PSMA6: variants seen among roughly 807,000 people sequenced by gnomAD.
PSMA6 encodes the protein proteasome 20S subunit alpha 6.
For synonymous variants in PSMA6, 88 were observed against 97.7 expected (o/e 0.90, Z 0.59); for missense variants, 170 against 294.8 (o/e 0.58, Z 3.10).
At position 35,317,145 on chromosome 14, in the gene PSMA6, G is replaced by A; in HGVS notation, c.684-104G>A. 3 of 781,882 alleles carry A rather than the reference G, an allele frequency of 3.8e-6. No homozygotes were observed. The South Asian group carries it at 4.5e-5, about 12-fold the overall frequency. The allele number at this position is 781,882 out of a possible 1,614,324, so 48.4% of individuals were successfully genotyped here. On this transcript the variant is annotated intron_variant, in intron 6 of 6. Coordinates refer to ENST00000261479, the MANE Select transcript of PSMA6 (RefSeq NM_002791.3). ...GGTTTATAAATTGATAATTGTTAAAGTAGGTTGATAGGTATATGGGAGTTT... is the reference window on the plus strand; with the variant it reads ...GGTTTATAAATTGATAATTGTTAAAATAGGTTGATAGGTATATGGGAGTTT...
At chr14:35,285,865 C>T (rs1379805584) in intron 1 of PSMA6, among the ~76,000 whole-genome samples, 1 of 152,216 alleles carries the variant, frequency 6.6e-6, no homozygotes, top group Non-Finnish European at 1.5e-5. Context: ...GTGTGTGACA[C>T]GATAGGTAAG....
rs1323665009 is a variant in PSMA6 at position 35,308,650 on chromosome 14, G to A, written c.172-264G>A. ...GGTGTTTCTAAGTCTTTTGTCTTTG[G>A]GGACCTTGAGACAAATTTTTATTAA... On this transcript the variant is annotated intron_variant, in intron 2 of 6. Transcript: ENST00000261479. 4 of 370,114 alleles carry A rather than the reference G, an allele frequency of 1.1e-5. No homozygotes were observed. The South Asian group carries it at 1.3e-4, about 12-fold the overall frequency. The allele number at this position is 370,114 out of a possible 1,614,324, so 22.9% of individuals were successfully genotyped here. A position where few individuals can be genotyped will look rare whatever the true frequency, so the allele number is the denominator to read the frequency against.
upstream of PSMA6, among the ~76,000 whole-genome samples, chr14:35,290,713 C>A (rs963405097): frequency 1.3e-5 from 2 of 152,108 alleles, no homozygotes; most frequent in Non-Finnish European, 2.9e-5. Flanking sequence ...TGTACACAAA[C>A]CATCTTTATC....
At chr14:35,314,622 CTCTATT>C (rs778730402) in intron 6 of PSMA6, 167 bp downstream of exon 6, 5 of 885,306 alleles carry the variant, frequency 5.6e-6, no homozygotes, top group Non-Finnish European at 7.7e-6. Context: ...AAACTTTGGA[CTCTATT>C]TAAGAGTCAG....
At chr14:35,310,588 A>G in intron 3 of PSMA6, 152 bp from the exon 4 acceptor site, 1 of 702,106 alleles carries the variant, frequency 1.4e-6, no homozygotes, top group Non-Finnish European at 2.4e-6. Context: ...TGAGTTATTT[A>G]GTATTCATTG....
At chr14:35,292,370 G>C, upstream of PSMA6, 2 of 1,531,548 alleles carry the variant, frequency 1.3e-6, no homozygotes, top group Non-Finnish European at 1.8e-6. Flanking sequence ...GAAGAAACGC[G>C]GCTGGTACCC....
At position 35,286,313 on chromosome 14, in the gene PSMA6, C is replaced by G. The variant is rs2051421317; in HGVS notation, c.19+7595C>G. Among the ~76,000 whole-genome samples the G allele has an allele frequency of 3.3e-5, 5 of 152,146 alleles. 1 individual carries two copies. In the South Asian group the frequency reaches 1.0e-3, roughly 32 times the overall value. Reference sequence around the variant, plus strand: ...ATTTTTCACTGGAACATTTGCTGTTCTCTCAAGCTATGAAGGGCTTCCTGT... The same window carrying G: ...ATTTTTCACTGGAACATTTGCTGTTGTCTCAAGCTATGAAGGGCTTCCTGT... On this transcript the variant is annotated intron_variant, in intron 1 of 6. Coordinates refer to the PSMA6 transcript ENST00000540871.
chr14:35,314,240 T>C (rs994051651), intron 5 of PSMA6, 121 bp from the exon 6 acceptor site: 34 of 1,183,264 alleles, frequency 2.9e-5, no homozygotes, highest in Non-Finnish European at 3.6e-5. Flanking sequence ...GTTAGTAACA[T>C]TGAACTACCT....
Position 35,313,265 on chromosome 14 carries a change from T to A in PSMA6, c.588+206T>A, listed in dbSNP as rs2051979375. 1.6e-5 allele frequency: 8 copies of A among 492,346 alleles called. No homozygotes were observed. In the South Asian group the frequency reaches 2.9e-4, roughly 18 times the overall value. The allele number at this position is 492,346 out of a possible 1,614,324, so 30.5% of individuals were successfully genotyped here. On this transcript the variant is annotated intron_variant, in intron 5 of 6. Transcript: ENST00000261479. ...TCCTTATTTCGTAATGTATTTGAGG[T>A]GGCTTTCAACAAAACGCATATAATA...
chr14:35,279,336 T>C (rs1358008978), intron 1 of PSMA6, among the ~76,000 whole-genome samples: 1 of 152,058 alleles, frequency 6.6e-6, no homozygotes, highest in Non-Finnish European at 1.5e-5. Context: ...CATGAGCCAC[T>C]GCACTCGGCC....
In PSMA6 at chr14:35,314,351, T is replaced by C; in HGVS notation, c.589-10T>C. ...AATACTATATTTTAACATTAAATACTTTTTTTCAGACTGCAATTACATGCC... is the reference window on the plus strand; with the variant it reads ...AATACTATATTTTAACATTAAATACCTTTTTTCAGACTGCAATTACATGCC... On this transcript the variant is annotated splice_polypyrimidine_tract_variant and intron_variant, in intron 5 of 6. Transcript: ENST00000261479. The C allele has an allele frequency of 6.3e-7, 1 of 1,594,022 alleles. No homozygotes were observed. Among genetic ancestry groups the C allele is most frequent in the Non-Finnish European group, 8.6e-7 (1 of 1,168,666 alleles).
intron 5 of PSMA6, 119 bp from the exon 6 acceptor site, chr14:35,314,235 TAACATTG>T: frequency 8.7e-7 from 1 of 1,143,448 alleles, no homozygotes; most frequent in Non-Finnish European, 1.1e-6. Flanking sequence ...AGTCTGTTAG[TAACATTG>T]AACTACCTCA....
At chr14:35,299,014 G>A (rs1032392473) in intron 1 of PSMA6, among the ~76,000 whole-genome samples, 2 of 151,116 alleles carry the variant, frequency 1.3e-5, no homozygotes, top group East Asian at 2.0e-4. Flanking sequence ...TATTATAGGC[G>A]TGAGTCACTG....
chr14:35,286,960 T>C (rs527534947), intron 1 of PSMA6, among the ~76,000 whole-genome samples: 41 of 152,132 alleles, frequency 2.7e-4, no homozygotes, highest in African/African-American at 9.7e-4. Context: ...AGTTGCCTCA[T>C]GTAAGTCACA....
At chr14:35,311,134 A>G (rs1312095312) in intron 4 of PSMA6, 1 of 366,396 alleles carries the variant, frequency 2.7e-6, no homozygotes, top group Non-Finnish European at 4.9e-6. Context: ...CATTTGGTGT[A>G]TGTGATTTGA....
Position 35,292,469 on chromosome 14 carries a change from C to G in PSMA6, c.-8C>G, listed in dbSNP as rs1048990. ...AGGGATTGTGTTTAAAGTAGTGCTT[C>G]TACCAACATGTCCCGTGGTTCCAGC... On this transcript the variant is annotated 5_prime_UTR_variant, in exon 1 of 7. Transcript: ENST00000261479. 0.17 allele frequency: 278,544 copies of G among 1,612,878 alleles called. 26,090 individuals carry two copies. Among genetic ancestry groups the G allele is most frequent in the East Asian group, 0.35 (15,761 of 44,828 alleles).
At position 35,304,429 on chromosome 14, in the gene PSMA6, T is replaced by G. The variant is rs146360360; in HGVS notation, c.77-3565T>G. Among the ~76,000 whole-genome samples, 1,060 of 152,262 alleles carry G rather than the reference T, an allele frequency of 7.0e-3. 32 individuals are homozygous for G. The highest frequency in any genetic ancestry group is 0.043 in the Admixed American group (656 of 15,288). ...AAATAGCGAGGCACCAGCTACATTT[T>G]AGAAGTTATTTGTAGTGTAGGCTGA... is the stretch of plus-strand genomic sequence containing the variant. On this transcript the variant is annotated intron_variant, in intron 1 of 6. Coordinates refer to ENST00000261479, the MANE Select transcript of PSMA6 (RefSeq NM_002791.3).
chr14:35,311,322 A>G (rs887814442), intron 4 of PSMA6, among the ~76,000 whole-genome samples: 3 of 152,234 alleles, frequency 2.0e-5, no homozygotes, highest in Non-Finnish European at 2.9e-5. Context: ...ATAAATTTCT[A>G]TTTTTGAAAA....
At chr14:35,287,818 C>T (rs182022619), upstream of PSMA6, among the ~76,000 whole-genome samples, 4 of 152,334 alleles carry the variant, frequency 2.6e-5, no homozygotes, top group Admixed American at 2.6e-4. Context: ...GGTACCCAGA[C>T]ATTTCTGAAA....
Sources: allele counts gnomAD v4.1 joint callset (sites outside exome capture counted in the v4.1 genomes callset), GRCh38; gene constraint gnomAD v4.1.1; transcripts MANE v1.5; gene names NCBI Gene and HGNC (gene_info 2026-07-23, HGNC 2026-07-21).